HOXA3: variants seen among roughly 807,000 people sequenced by gnomAD.
HOXA3 encodes homeobox protein Hox-A3.
In HOXA3, 8 loss-of-function variants were observed where a neutral mutation model predicts 30.3. That is an observed-to-expected ratio of 0.26 (90% confidence interval 0.15 to 0.48). The LOEUF is 0.48. Among genes scored for constraint, HOXA3 ranks in the 20% least tolerant of loss-of-function variants. The pLI, the probability that HOXA3 is intolerant of heterozygous loss-of-function variation, is 0.99. For synonymous variants in HOXA3, 323 were observed against 273.1 expected (o/e 1.18, Z -1.80); for missense variants, 653 against 614.4 (o/e 1.06, Z -0.66).
intron 2 of HOXA3, among the ~76,000 whole-genome samples, chr7:27,136,306 T>G (rs996555357): frequency 6.6e-6 from 1 of 152,234 alleles, no homozygotes; most frequent in African/African-American, 2.4e-5. Context: ...TGTTTGTGAC[T>G]GTACTTTTTG....
intron 1 of HOXA3, chr7:27,141,966 T>C: frequency 1.2e-6 from 2 of 1,614,268 alleles, no homozygotes; most frequent in Non-Finnish European, 1.7e-6. Context: ...GCATGTGCTA[T>C]TTCAATCCTC....
intron 1 of HOXA3, among the ~76,000 whole-genome samples, chr7:27,142,364 G>T (rs1317153534): frequency 6.6e-6 from 1 of 152,144 alleles, no homozygotes; most frequent in Admixed American, 6.5e-5. Flanking sequence ...GCCCTGCCCC[G>T]GGCGCCCCGA....
intron 4 of HOXA3, chr7:27,116,416 T>C (rs2128045545): frequency 6.5e-6 from 1 of 152,762 alleles, no homozygotes; most frequent in Admixed American, 6.5e-5. Context: ...GGAAATGTAC[T>C]TGCCTGTGAG....
chr7:27,130,907 T>G lies in HOXA3; in HGVS notation c.-389-3837A>C. Reference sequence around the variant, plus strand: ...CTCCCGCAGACGCCGCCACCAAAGTTCGAGCCGCTCCTCCCCAGCCCAGCG... The same window carrying G: ...CTCCCGCAGACGCCGCCACCAAAGTGCGAGCCGCTCCTCCCCAGCCCAGCG... On this transcript the variant is annotated intron_variant, in intron 2 of 5. Coordinates refer to ENST00000612286, the MANE Select transcript of HOXA3 (RefSeq NM_153631.3). The G allele has an allele frequency of 1.1e-5, 7 of 662,482 alleles. No homozygotes were observed. The South Asian group carries it at 1.2e-4, about 11-fold the overall frequency. 41.0% of individuals were successfully genotyped at this position (662,482 alleles called of 1,614,324 possible).
intron 1 of HOXA3, chr7:27,141,708 A>T: frequency 8.4e-7 from 1 of 1,196,616 alleles, no homozygotes; most frequent in South Asian, 1.5e-5. Flanking sequence ...TGATTAAAAG[A>T]TGAATTAGGG....
intron 2 of HOXA3, chr7:27,129,169 G>A: frequency 1.9e-6 from 2 of 1,045,802 alleles, no homozygotes; most frequent in Non-Finnish European, 3.0e-6. Context: ...AACGGAGCAG[G>A]AGAAGAGAAG....
chr7:27,149,387 C>A (rs539560743), intron 1 of HOXA3, among the ~76,000 whole-genome samples: 16 of 152,186 alleles, frequency 1.1e-4, no homozygotes, highest in Non-Finnish European at 2.4e-4. Context: ...CGGTTCAGGA[C>A]TTAGTGGGGA....
At position 27,152,317 on chromosome 7, in the gene HOXA3, C is replaced by A; in HGVS notation, c.-523G>T. ...AGACGGTGGCTCCCAGAAGCTCCTG[C>A]CCCTCTGACAGCTGTCGCTTGGGCA... On this transcript the variant is annotated 5_prime_UTR_variant, in exon 1 of 6. Transcript: ENST00000612286. 7.9e-7 allele frequency: 1 copy of A among 1,273,358 alleles called. No homozygotes were observed. The allele number at this position is 1,273,358 out of a possible 1,614,324, so 78.9% of individuals were successfully genotyped here.
chr7:27,152,062 G>C (rs1261144170), intron 1 of HOXA3, among the ~76,000 whole-genome samples: 1 of 151,596 alleles, frequency 6.6e-6, no homozygotes, highest in African/African-American at 2.4e-5. Flanking sequence ...GCCAGGGAGG[G>C]GAGAGAAAGG....
chr7:27,108,148 C>G lies in HOXA3; in HGVS notation c.1099G>C (p.Val367Leu). 1.3e-6 allele frequency: 2 copies of G among 1,585,436 alleles called. No homozygotes were observed. Among genetic ancestry groups the G allele is most frequent in the Non-Finnish European group, 1.7e-6 (2 of 1,162,494 alleles). Residue 367 changes from valine to leucine, a missense_variant, in exon 6 of 6, where the codon GTG becomes CTG. Physicochemically the swap from Val to Leu is conservative, Grantham distance 32. Transcript: ENST00000612286. The surrounding 1 kb of genome is among the most constrained non-coding windows in gnomAD (Gnocchi z 5.0). The part of the protein sequence containing the change: ...TPHIQGSPVF[V>L]GGSYVEPMSN... Reference sequence around the variant, plus strand: ...ATGGGCTCCACATAGCTGCCCCCCACGAAGACGGGGCTTCCCTGTATGTGT... The same window carrying G: ...ATGGGCTCCACATAGCTGCCCCCCAGGAAGACGGGGCTTCCCTGTATGTGT...
intron 1 of HOXA3, chr7:27,151,247 T>C (rs2128064698): frequency 5.3e-6 from 1 of 186,938 alleles, no homozygotes; most frequent in African/African-American, 2.4e-5. Context: ...CGAGGAGTTC[T>C]CGGGGCAAAT....
intron 2 of HOXA3, chr7:27,130,205 G>A: frequency 6.5e-7 from 1 of 1,549,350 alleles, no homozygotes; most frequent in South Asian, 1.2e-5. Context: ...GCCAAGAGCA[G>A]CGGGCACGCG....
rs777258790 is a variant in HOXA3, at chr7:27,145,610, G to A, written c.-493-5424C>T. ...TTGGGGAACAGGCGAGGGCAAGGGG[G>A]CAAAGCCGAAGGAGGTTGCAGCGCT... On this transcript the variant is annotated intron_variant, in intron 1 of 5. Coordinates refer to ENST00000612286, the MANE Select transcript of HOXA3 (RefSeq NM_153631.3). The A allele has an allele frequency of 6.3e-6, 10 of 1,579,492 alleles. No homozygotes were observed. In the African/African-American group the frequency reaches 8.1e-5, roughly 13 times the overall value.
intron 2 of HOXA3, among the ~76,000 whole-genome samples, chr7:27,132,793 G>A (rs537031977): frequency 2.0e-5 from 3 of 152,198 alleles, no homozygotes; most frequent in Non-Finnish European, 2.9e-5. Context: ...ATAGACATAC[G>A]TATTACAAAT....
At chr7:27,111,166 TG>T (rs1784354158) in intron 4 of HOXA3, among the ~76,000 whole-genome samples, 2 of 152,144 alleles carry the variant, frequency 1.3e-5, no homozygotes, top group Non-Finnish European at 2.9e-5. Flanking sequence ...TCCTCCACTC[TG>T]GGAATGTTGG....
In HOXA3 at chr7:27,110,123, G is replaced by A. The variant is rs767573569; in HGVS notation, c.518C>T (p.Ser173Phe). The change falls in exon 5 of 6, where the codon TCC becomes TTC. Residue 173 changes from serine (S) to phenylalanine (F), a missense_variant. Coordinates refer to ENST00000612286, the MANE Select transcript of HOXA3 (RefSeq NM_153631.3). ...RQNTKQKTSS[S>F]SSGESCAGDK... ...AGAAGGCACTCCTTTACCTGAGCTG[G>A]AGCTGCTGGTTTTCTGCTTTGTGTT... The A allele has an allele frequency of 6.2e-7, 1 of 1,614,220 alleles. No homozygotes were observed.
At chr7:27,126,598 G>A (rs1022701098) in intron 3 of HOXA3, among the ~76,000 whole-genome samples, 1 of 152,094 alleles carries the variant, frequency 6.6e-6, no homozygotes, top group African/African-American at 2.4e-5. Flanking sequence ...TTTGAAGCAG[G>A]CAAAACAACA....
chr7:27,108,976 G>C lies in HOXA3; in HGVS notation c.527-256C>G, dbSNP rs910611838. Reference sequence around the variant, plus strand: ...GTAGAACCCCCGGTTTGCCTTCCTGGTCTGGATTTTCTGTTTAGAGCTATT... The same window carrying C: ...GTAGAACCCCCGGTTTGCCTTCCTGCTCTGGATTTTCTGTTTAGAGCTATT... On this transcript the variant is annotated intron_variant, in intron 5 of 5. Coordinates refer to ENST00000612286, the MANE Select transcript of HOXA3 (RefSeq NM_153631.3). This position sits in a 1 kb window ranked among gnomAD's most constrained non-coding sequence, Gnocchi z 5.0. Among the ~76,000 whole-genome samples the C allele has an allele frequency of 1.3e-5, 2 of 152,160 alleles. No homozygotes were observed. Among genetic ancestry groups the C allele is most frequent in the Non-Finnish European group, 2.9e-5 (2 of 68,020 alleles).
chr7:27,143,672 C>T, intron 1 of HOXA3: 1 of 1,521,576 alleles, frequency 6.6e-7, no homozygotes, highest in Non-Finnish European at 8.8e-7. Flanking sequence ...AGCACCCTTG[C>T]ACAATTTATG....
Sources: gnomAD v4.1 joint callset for allele counts (sites outside exome capture counted in the v4.1 genomes callset) on GRCh38, gnomAD v4.1.1 for gene constraint, Gnocchi (gnomAD v3.1) non-coding constraint, MANE v1.5 for transcripts, NCBI Gene and HGNC (gene_info 2026-07-23, HGNC 2026-07-21) for gene names.